Variants in FBLN5 observed in about 807,000 individuals in gnomAD.
FBLN5 encodes the protein fibulin-5.
In FBLN5, 24 loss-of-function variants were observed where a neutral mutation model predicts 61.6. The observed-to-expected ratio is 0.39, with a 90% CI of 0.28 to 0.55. The LOEUF is 0.55. FBLN5 is among the 20% of genes least tolerant of loss of function. FBLN5 has a pLI of 0.65. For missense variants in FBLN5, 470 were observed against 594.1 expected (o/e 0.79, Z 2.17); for synonymous variants, 213 against 219.8 (o/e 0.97, Z 0.27).
chr14:91,905,558 C>T (rs998452792), intron 4 of FBLN5, among the ~76,000 whole-genome samples: 6 of 150,260 alleles, frequency 4.0e-5, no homozygotes, highest in Admixed American at 2.7e-4. Context: ...AGAAACAGGC[C>T]GGTAGGTAAC....
intron 9 of FBLN5, among the ~76,000 whole-genome samples, chr14:91,879,443 G>A (rs567807627): frequency 1.4e-4 from 22 of 152,280 alleles, no homozygotes; most frequent in African/African-American, 4.3e-4. Flanking sequence ...AGGGGCTGCC[G>A]GAGTCTGACT....
At chr14:91,894,837 CTAGCAAAGAAAAGCTTACTA>C in intron 5 of FBLN5, 93 bp downstream of exon 5, 2 of 651,930 alleles carry the variant, frequency 3.1e-6, no homozygotes, top group Non-Finnish European at 5.2e-6. Context: ...CCCGCCCTCC[CTAGCAAAGAAAAGCTTACTA>C]CCCTCAGGCA....
At chr14:91,932,401 C>A (rs778010914) in intron 4 of FBLN5, among the ~76,000 whole-genome samples, 11 of 152,178 alleles carry the variant, frequency 7.2e-5, no homozygotes, top group Non-Finnish European at 1.6e-4. Context: ...GAGGAGGAAG[C>A]TCTGAGGGAC....
rs117580201 is a variant in FBLN5 at position 91,890,941 on chromosome 14, T to C, written c.619+280A>G. Among the ~76,000 whole-genome samples the C allele has an allele frequency of 3.2e-3, 494 of 152,320 alleles. 2 individuals are homozygous for C. The highest frequency in any genetic ancestry group is 6.2e-3 in the Admixed American group (95 of 15,300). ...GAAAGCCAGCAAGGCTACTTCTGGA[T>C]AGCAGACACAGAAAAGAAGCGAATC... On this transcript the variant is annotated intron_variant, in intron 6 of 10. Coordinates refer to ENST00000342058, the MANE Select transcript of FBLN5 (RefSeq NM_006329.4).
intron 10 of FBLN5, among the ~76,000 whole-genome samples, chr14:91,876,878 A>T (rs1889187892): frequency 6.6e-6 from 1 of 152,190 alleles, no homozygotes; most frequent in Non-Finnish European, 1.5e-5. Flanking sequence ...CCCAGATTGG[A>T]GTACAGTGGT....
intron 7 of FBLN5, among the ~76,000 whole-genome samples, chr14:91,884,010 T>G (rs1251047322): frequency 6.6e-6 from 1 of 152,252 alleles, no homozygotes; most frequent in Non-Finnish European, 1.5e-5. Flanking sequence ...CTTGCATTTG[T>G]TGTTTCCCAA....
intron 9 of FBLN5, among the ~76,000 whole-genome samples, chr14:91,880,163 C>T (rs1257263730): frequency 6.6e-6 from 1 of 152,156 alleles, no homozygotes; most frequent in African/African-American, 2.4e-5. Flanking sequence ...CTCTCCAGCA[C>T]CTCAATACTC....
intron 4 of FBLN5, 31 bp downstream of exon 4, chr14:91,936,916 G>C: frequency 6.2e-7 from 1 of 1,614,016 alleles, no homozygotes; most frequent in Non-Finnish European, 8.5e-7. Flanking sequence ...CCAAAGCACA[G>C]CGGAGAGGAA....
chr14:91,937,330 C>T (rs1332597497), intron 3 of FBLN5, 129 bp from the exon 4 acceptor site: 71 of 1,194,024 alleles, frequency 5.9e-5, no homozygotes, highest in East Asian at 1.3e-4. Flanking sequence ...CCCAACTCAT[C>T]GCGGTAAGGT....
intron 4 of FBLN5, among the ~76,000 whole-genome samples, chr14:91,908,940 A>C (rs1391031059): frequency 1.3e-5 from 2 of 151,224 alleles, no homozygotes; most frequent in Admixed American, 1.3e-4. Flanking sequence ...TTTTTTTGAG[A>C]TGGAGTCTCA....
chr14:91,911,704 G>A (rs1020012590), intron 4 of FBLN5, among the ~76,000 whole-genome samples: 1 of 152,106 alleles, frequency 6.6e-6, no homozygotes, highest in African/African-American at 2.4e-5. Context: ...CAAATGCTCT[G>A]GGGCCCAGTT....
At chr14:91,884,313 C>T (rs1367262527) in intron 7 of FBLN5, among the ~76,000 whole-genome samples, 2 of 152,196 alleles carry the variant, frequency 1.3e-5, no homozygotes, top group Non-Finnish European at 2.9e-5. Context: ...TTGTGCCTCC[C>T]CGCCTCCCCT....
intron 4 of FBLN5, among the ~76,000 whole-genome samples, chr14:91,933,162 T>C (rs2055955520): frequency 6.6e-6 from 1 of 152,256 alleles, no homozygotes. Flanking sequence ...AAGGCATTTA[T>C]GAGACAATCA....
chr14:91,947,262 G>C lies in FBLN5; in HGVS notation c.-33C>G. ...ACGCGCGAGGAGGAGATGCGAAGGC[G>C]AGAAGAAAGCTCGCGGGCGGGACCC... is the stretch of plus-strand genomic sequence containing the variant. On this transcript the variant is annotated 5_prime_UTR_variant, in exon 1 of 11. Coordinates refer to ENST00000342058, the MANE Select transcript of FBLN5 (RefSeq NM_006329.4). This position sits in a 1 kb window ranked among gnomAD's most constrained non-coding sequence, Gnocchi z 4.3. 1.2e-6 allele frequency: 2 copies of C among 1,614,054 alleles called. No homozygotes were observed. Among genetic ancestry groups the C allele is most frequent in the South Asian group, 2.2e-5 (2 of 91,074 alleles).
chr14:91,941,224 T>C (rs1051509181), intron 2 of FBLN5, among the ~76,000 whole-genome samples: 1 of 152,178 alleles, frequency 6.6e-6, no homozygotes, highest in Admixed American at 6.5e-5. Context: ...TGTACATAAA[T>C]AAAAGCTACA....
At chr14:91,925,540 C>G (rs1274987227) in intron 4 of FBLN5, among the ~76,000 whole-genome samples, 5 of 152,142 alleles carry the variant, frequency 3.3e-5, no homozygotes. Context: ...TTGAGTGGTG[C>G]CCTCTGGAGT....
rs1164549097 is a variant in FBLN5 at position 91,935,916 on chromosome 14, TGA to T, written c.379+1029_379+1030del. On this transcript the variant is annotated intron_variant, in intron 4 of 10. Transcript: ENST00000342058. ...CAACACACACAGAGACCACACGCCT[TGA>T]GACCAGCGAAAATGCAGAAGTTTGG... Among the ~76,000 whole-genome samples the T allele has an allele frequency of 2.0e-5, 3 of 152,284 alleles. No homozygotes were observed. In the East Asian group the frequency reaches 5.8e-4, roughly 29 times the overall value.
chr14:91,894,736 A>G (rs1335512385), intron 5 of FBLN5, among the ~76,000 whole-genome samples: 1 of 152,178 alleles, frequency 6.6e-6, no homozygotes, highest in Non-Finnish European at 1.5e-5. Context: ...AAATAAATAC[A>G]TTCAAAAACT....
chr14:91,944,661 C>A (rs921392465), intron 1 of FBLN5, among the ~76,000 whole-genome samples: 3 of 152,106 alleles, frequency 2.0e-5, no homozygotes, highest in African/African-American at 7.2e-5. Context: ...ATGAATGAAC[C>A]CTGACTGTAT....
Sources: gnomAD v4.1 joint callset for allele counts (sites outside exome capture counted in the v4.1 genomes callset) on GRCh38, gnomAD v4.1.1 for gene constraint, Gnocchi (gnomAD v3.1) non-coding constraint, MANE v1.5 for transcripts, NCBI Gene and HGNC (gene_info 2026-07-23, HGNC 2026-07-21) for gene names.